Variants in PTPRM observed in about 807,000 individuals in gnomAD.
PTPRM encodes the protein protein tyrosine phosphatase receptor type M, also known as receptor-type tyrosine-protein phosphatase mu.
A neutral mutation model predicts 186.7 loss-of-function variants in PTPRM; 47 were observed. The observed-to-expected ratio is 0.25, with a 90% CI of 0.20 to 0.32. PTPRM has a LOEUF of 0.32. PTPRM is among the 10% of genes least tolerant of loss of function. The probability of loss-of-function intolerance (pLI) is 1.00; values close to 1 mark genes in which losing one functional copy is unlikely to be tolerated. For synonymous variants in PTPRM, 668 were observed against 674.9 expected (o/e 0.99, Z 0.16); for missense variants, 1,494 against 1,865.0 (o/e 0.80, Z 3.66).
intron 1 of PTPRM, among the ~76,000 whole-genome samples, chr18:7,630,586 G>T (rs2038168562): frequency 6.6e-6 from 1 of 152,164 alleles, no homozygotes; most frequent in Non-Finnish European, 1.5e-5. Context: ...AGATGGAGTA[G>T]CCTTTTGGGC....
intron 22 of PTPRM, among the ~76,000 whole-genome samples, chr18:8,336,179 G>A (rs536364213): frequency 6.6e-6 from 1 of 152,294 alleles, no homozygotes; most frequent in East Asian, 1.9e-4. Flanking sequence ...TCTGGAGCCA[G>A]AATTCCAGCC....
At chr18:8,114,727 G>A in intron 12 of PTPRM, 64 bp from the exon 13 acceptor site, 1 of 1,287,698 alleles carries the variant, frequency 7.8e-7, no homozygotes, top group Non-Finnish European at 1.1e-6. Context: ...TAGAATTACA[G>A]ATATTTCTAT....
chr18:7,654,011 C>A (rs186999490), intron 1 of PTPRM, among the ~76,000 whole-genome samples: 9 of 152,068 alleles, frequency 5.9e-5, no homozygotes, highest in Non-Finnish European at 1.2e-4. Context: ...ATAGTCATTC[C>A]GACTGGTGTG....
At chr18:8,251,993 G>A (rs530397472) in intron 17 of PTPRM, among the ~76,000 whole-genome samples, 2 of 152,252 alleles carry the variant, frequency 1.3e-5, no homozygotes, top group South Asian at 4.1e-4. Flanking sequence ...GAGTTAACCT[G>A]TAGAATGTGG....
At chr18:8,218,628 G>A (rs1362698247) in intron 14 of PTPRM, among the ~76,000 whole-genome samples, 3 of 152,134 alleles carry the variant, frequency 2.0e-5, no homozygotes, top group East Asian at 1.9e-4. Context: ...TCAGTGTAGC[G>A]CTCAAAGGAA....
chr18:8,215,725 T>G (rs2094074864), intron 14 of PTPRM, among the ~76,000 whole-genome samples: 1 of 151,806 alleles, frequency 6.6e-6, no homozygotes, highest in Non-Finnish European at 1.5e-5. Flanking sequence ...TTCGTTCATT[T>G]TTTGTAGAGA....
chr18:8,402,410 A>C (rs2095876935), intron 32 of PTPRM, among the ~76,000 whole-genome samples: 1 of 152,234 alleles, frequency 6.6e-6, no homozygotes, highest in South Asian at 2.1e-4. Context: ...GCTCCTTAGC[A>C]GCGAAGCCCA....
At chr18:7,641,993 G>A (rs1249262806) in intron 1 of PTPRM, among the ~76,000 whole-genome samples, 2 of 152,134 alleles carry the variant, frequency 1.3e-5, no homozygotes. Context: ...AGCACTGTCT[G>A]GTTGTAAATG....
intron 7 of PTPRM, among the ~76,000 whole-genome samples, chr18:7,989,635 G>A (rs1160468770): frequency 6.6e-6 from 1 of 152,066 alleles, no homozygotes; most frequent in Non-Finnish European, 1.5e-5. Context: ...GTTGACTTCA[G>A]TTTTTCTAGC....
At chr18:7,596,906 T>C (rs1598485747) in intron 1 of PTPRM, among the ~76,000 whole-genome samples, 1 of 151,922 alleles carries the variant, frequency 6.6e-6, no homozygotes, top group South Asian at 2.1e-4. Context: ...CAGGCTGGAG[T>C]GCATTGGCAC....
intron 14 of PTPRM, among the ~76,000 whole-genome samples, chr18:8,211,363 G>A (rs916502205): frequency 1.2e-4 from 17 of 143,280 alleles, no homozygotes; most frequent in Non-Finnish European, 2.0e-4. Context: ...GGAAGCTTGT[G>A]TAGGTCTCTT....
chr18:7,945,207 A>G (rs1450782259), intron 5 of PTPRM, among the ~76,000 whole-genome samples: 4 of 151,466 alleles, frequency 2.6e-5, no homozygotes. Flanking sequence ...TAATCCCAGC[A>G]CTTTGGGAGG....
chr18:8,253,196 C>T, intron 18 of PTPRM, 31 bp from the exon 19 acceptor site: 1 of 1,363,452 alleles, frequency 7.3e-7, no homozygotes, highest in Middle Eastern at 1.9e-4. Flanking sequence ...CCTGGCTCTC[C>T]CTCATTTTCT....
intron 11 of PTPRM, among the ~76,000 whole-genome samples, chr18:8,096,352 G>A (rs924407793): frequency 3.3e-5 from 5 of 152,190 alleles, no homozygotes; most frequent in Admixed American, 1.3e-4. Flanking sequence ...GAAAGCTCTC[G>A]AATGTCCTTC....
Position 7,755,150 on chromosome 18 carries a change from C to T in PTPRM, c.74-18999C>T, listed in dbSNP as rs560297815. On this transcript the variant is annotated intron_variant, in intron 1 of 32. Coordinates refer to ENST00000580170, the MANE Select transcript of PTPRM (RefSeq NM_001105244.2). ...GAAGATAGTAATCAGACAAATCAAA[C>T]AACTAGTAGTAGTGGAGAGACACGT... 2.0e-5 allele frequency: 3 copies of T among 151,008 alleles called. No homozygotes were observed. The South Asian group carries it at 6.3e-4, about 32-fold the overall frequency. 9.4% of individuals were successfully genotyped at this position (151,008 alleles called of 1,614,324 possible). A position where few individuals can be genotyped will look rare whatever the true frequency, so the allele number is the denominator to read the frequency against.
At chr18:8,268,447 A>G (rs1751593650) in intron 19 of PTPRM, among the ~76,000 whole-genome samples, 1 of 152,164 alleles carries the variant, frequency 6.6e-6, no homozygotes. Context: ...AAAATCTCCC[A>G]CAAAGAAAAG....
At chr18:7,630,949 G>T (rs980680094) in intron 1 of PTPRM, among the ~76,000 whole-genome samples, 1 of 152,152 alleles carries the variant, frequency 6.6e-6, no homozygotes, top group Non-Finnish European at 1.5e-5. Flanking sequence ...GGTTGGGTTG[G>T]CTTATGTGCC....
At chr18:7,640,571 G>A (rs1277297113) in intron 1 of PTPRM, among the ~76,000 whole-genome samples, 1 of 152,112 alleles carries the variant, frequency 6.6e-6, no homozygotes, top group African/African-American at 2.4e-5. Flanking sequence ...GTGTGGTTAG[G>A]AGTTGGGTAT....
intron 7 of PTPRM, among the ~76,000 whole-genome samples, chr18:7,983,340 G>A (rs1045223234): frequency 1.3e-5 from 2 of 152,016 alleles, no homozygotes; most frequent in African/African-American, 4.8e-5. Context: ...GTTTCATCCC[G>A]AAGCTATCCC....
Sources: gnomAD v4.1 joint callset for allele counts (sites outside exome capture counted in the v4.1 genomes callset) on GRCh38, gnomAD v4.1.1 for gene constraint, MANE v1.5 for transcripts, NCBI Gene and HGNC (gene_info 2026-07-23, HGNC 2026-07-21) for gene names.